Variants in DNAJB6 observed in about 807,000 individuals in gnomAD.
DNAJB6 encodes DnaJ heat shock protein family (Hsp40) member B6.
DNAJB6 carries 16 observed loss-of-function variants against 42.7 expected under a neutral mutation model. That is an observed-to-expected ratio of 0.37 (90% CI 0.25 to 0.57). DNAJB6 has a LOEUF of 0.57. Ranked by LOEUF, DNAJB6 falls within the 20% of genes least tolerant of loss-of-function variation. DNAJB6 has a pLI of 0.74. For missense variants in DNAJB6, 347 were observed against 416.8 expected (o/e 0.83, Z 1.46); for synonymous variants, 170 against 163.5 (o/e 1.04, Z -0.30).
chr7:157,399,422 C>T (rs550085588), intron 8 of DNAJB6, among the ~76,000 whole-genome samples: 1 of 152,204 alleles, frequency 6.6e-6, no homozygotes, highest in Non-Finnish European at 1.5e-5. Context: ...GCAGGGGTTG[C>T]GTAAGGTTAG....
At chr7:157,343,931 G>A (rs1798550374) in intron 1 of DNAJB6, among the ~76,000 whole-genome samples, 1 of 152,098 alleles carries the variant, frequency 6.6e-6, no homozygotes, top group Admixed American at 6.6e-5. Flanking sequence ...AACAAACCGA[G>A]TTTTCCTAAG....
chr7:157,363,297 C>G (rs200408227), intron 3 of DNAJB6, 27 bp downstream of exon 3: 1 of 1,522,746 alleles, frequency 6.6e-7, no homozygotes, highest in East Asian at 2.3e-5. Context: ...TGCTGAAGGA[C>G]CCTGAGCGGG....
chr7:157,384,988 C>G lies in DNAJB6; in HGVS notation c.600C>G (p.Gly200=). The G allele has an allele frequency of 6.2e-7, 1 of 1,613,960 alleles. No individual in the cohort carries two copies. Among genetic ancestry groups the G allele is most frequent in the East Asian group, 2.2e-5 (1 of 44,874 alleles). ...CAACTTCAACTAAAATGGTTAATGG[C>G]AGAAAAATCACTACAAAGAGGTACT... ...SISTSTKMVN[G]RKITTKRIVE... The change falls in exon 7 of 10, where the codon GGC becomes GGG. Residue 200 remains glycine (G), a synonymous_variant. Coordinates refer to ENST00000262177, the MANE Select transcript of DNAJB6 (RefSeq NM_058246.4).
At chr7:157,348,111 G>T (rs1456163875) in intron 1 of DNAJB6, among the ~76,000 whole-genome samples, 2 of 150,510 alleles carry the variant, frequency 1.3e-5, no homozygotes, top group African/African-American at 4.9e-5. Flanking sequence ...TTATTTTTTT[G>T]AGATGGAGTC....
chr7:157,370,018 AG>A (rs1563128788), intron 5 of DNAJB6, among the ~76,000 whole-genome samples: 93 of 144,196 alleles, frequency 6.4e-4, no homozygotes, highest in African/African-American at 2.4e-3. Context: ...ATTATTAAAG[AG>A]GCCCTTTCTT....
intron 5 of DNAJB6, among the ~76,000 whole-genome samples, chr7:157,375,380 G>A (rs1800420195): frequency 6.6e-6 from 1 of 152,188 alleles, no homozygotes; most frequent in African/African-American, 2.4e-5. Context: ...ATTTGAAATA[G>A]AATAATTTGA....
At chr7:157,342,511 A>G (rs1411096442) in intron 1 of DNAJB6, among the ~76,000 whole-genome samples, 4 of 151,654 alleles carry the variant, frequency 2.6e-5, no homozygotes, top group Non-Finnish European at 5.9e-5. Flanking sequence ...CTAATTTTGT[A>G]TTTTTAGTAG....
At chr7:157,413,439 A>G (rs1297799092) in intron 9 of DNAJB6, 3 of 152,250 alleles carry the variant, frequency 2.0e-5, no homozygotes, top group East Asian at 1.9e-4. Flanking sequence ...TCAGCTTTCA[A>G]CAGCTCGAAG....
intron 5 of DNAJB6, chr7:157,368,671 A>T (rs1386627764): frequency 2.0e-5 from 3 of 153,250 alleles, no homozygotes; most frequent in African/African-American, 7.2e-5. Flanking sequence ...CTTCTCAACC[A>T]CTGGGACTTC....
chr7:157,358,793 A>T (rs1156498302), intron 2 of DNAJB6, among the ~76,000 whole-genome samples, 156 bp downstream of exon 2: 1 of 152,204 alleles, frequency 6.6e-6, no homozygotes, highest in African/African-American at 2.4e-5. Context: ...GTTAACGAGC[A>T]TTTGCAGTCT....
At chr7:157,374,416 C>G (rs147452536) in intron 5 of DNAJB6, among the ~76,000 whole-genome samples, 1 of 152,054 alleles carries the variant, frequency 6.6e-6, no homozygotes, top group African/African-American at 2.4e-5. Context: ...TGTGCCACCG[C>G]GCCCGGCTAA....
At chr7:157,355,148 C>T (rs780670121) in intron 1 of DNAJB6, among the ~76,000 whole-genome samples, 8 of 151,256 alleles carry the variant, frequency 5.3e-5, no homozygotes, top group East Asian at 1.9e-4. Flanking sequence ...CCCGTAGTTT[C>T]TTTTATTTAT....
intron 1 of DNAJB6, among the ~76,000 whole-genome samples, chr7:157,345,340 C>G (rs1217506864): frequency 6.6e-6 from 1 of 152,046 alleles, no homozygotes; most frequent in African/African-American, 2.4e-5. Flanking sequence ...GAGACAGGGC[C>G]TTGCCCTGTC....
chr7:157,386,414 C>T (rs1801061534), intron 8 of DNAJB6: 4 of 550,926 alleles, frequency 7.3e-6, no homozygotes, highest in Non-Finnish European at 6.9e-6. Flanking sequence ...GATGCCGCAC[C>T]TCAGTTACAT....
intron 8 of DNAJB6, among the ~76,000 whole-genome samples, chr7:157,395,903 G>T (rs571978514): frequency 5.4e-5 from 8 of 148,294 alleles, no homozygotes; most frequent in Non-Finnish European, 1.2e-4. Flanking sequence ...TGATCCACCT[G>T]CCTTGGCCTC....
rs568481556 is a variant in DNAJB6, at chr7:157,357,361, C to G, written c.-26-1186C>G. Among the ~76,000 whole-genome samples, 14 of 145,654 alleles carry G rather than the reference C, an allele frequency of 9.6e-5. No homozygotes were observed. In the South Asian group the frequency reaches 3.2e-3, roughly 33 times the overall value. On this transcript the variant is annotated intron_variant, in intron 1 of 9. Coordinates refer to ENST00000262177, the MANE Select transcript of DNAJB6 (RefSeq NM_058246.4). ...CCGGGCTGGAGTCCGGTGGCATGGG[C>G]TGGAGTCTGGTGGCACGATGTCAGC... is the stretch of plus-strand genomic sequence containing the variant.
chr7:157,391,824 A>G (rs1801357996), intron 8 of DNAJB6, among the ~76,000 whole-genome samples: 1 of 152,152 alleles, frequency 6.6e-6, no homozygotes, highest in Admixed American at 6.5e-5. Context: ...GTAAGTTACC[A>G]GGCGCAGTGG....
chr7:157,352,014 CAAACAAAA>C (rs1489925888), intron 1 of DNAJB6, among the ~76,000 whole-genome samples: 2 of 150,428 alleles, frequency 1.3e-5, no homozygotes, highest in Non-Finnish European at 3.0e-5. Context: ...AACAAACAAA[CAAACAAAA>C]AAACAAAACT....
At chr7:157,375,619 C>T (rs1800432554) in intron 5 of DNAJB6, among the ~76,000 whole-genome samples, 1 of 152,212 alleles carries the variant, frequency 6.6e-6, no homozygotes, top group Admixed American at 6.5e-5. Context: ...CACTGAAGCC[C>T]TGTTCTCAGG....
Sources: gnomAD v4.1 joint callset for allele counts (sites outside exome capture counted in the v4.1 genomes callset) on GRCh38, gnomAD v4.1.1 for gene constraint, MANE v1.5 for transcripts, NCBI Gene and HGNC (gene_info 2026-07-23, HGNC 2026-07-21) for gene names.